SHISA9: variants seen among roughly 807,000 people sequenced by gnomAD.
SHISA9 encodes protein shisa-9.
Under a neutral mutation model 38.0 loss-of-function variants are expected in SHISA9, and 13 were observed. That is an observed-to-expected ratio of 0.34 (90% CI 0.22 to 0.54). The LOEUF (loss-of-function observed/expected upper bound fraction) is 0.54, where lower values mean the gene tolerates loss of function less well. Ranked by LOEUF, SHISA9 falls within the 20% of genes least tolerant of loss-of-function variation. The probability of loss-of-function intolerance (pLI) is 0.91; values close to 1 mark genes in which losing one functional copy is unlikely to be tolerated. For missense variants in SHISA9, 538 were observed against 575.8 expected (o/e 0.93, Z 0.67); for synonymous variants, 275 against 242.0 (o/e 1.14, Z -1.27).
intron 1 of SHISA9, among the ~76,000 whole-genome samples, chr16:12,906,295 G>C (rs62029723): frequency 0.14 from 21,602 of 152,176 alleles, 1,934 homozygotes; most frequent in South Asian, 0.2. Flanking sequence ...GTATGTTGTC[G>C]CACCCCCATT....
At chr16:13,160,399 A>C (rs1199911951) in intron 2 of SHISA9, among the ~76,000 whole-genome samples, 3 of 152,110 alleles carry the variant, frequency 2.0e-5, no homozygotes, top group South Asian at 2.1e-4. Flanking sequence ...TATTCTATTC[A>C]CCCAAGAGGC....
the SHISA9 span, among the ~76,000 whole-genome samples, chr16:13,392,024 G>A: frequency 6.6e-6 from 1 of 152,194 alleles, no homozygotes; most frequent in African/African-American, 2.4e-5. Context: ...GCCAGTGATT[G>A]TGGAGGTGAG....
chr16:12,914,505 A>G (rs2071228720), intron 1 of SHISA9, among the ~76,000 whole-genome samples: 1 of 152,122 alleles, frequency 6.6e-6, no homozygotes, highest in Admixed American at 6.5e-5. Context: ...TGTTGAAACA[A>G]TGAAAGAATG....
intron 2 of SHISA9, among the ~76,000 whole-genome samples, chr16:13,121,038 C>T (rs1596661855): frequency 6.6e-6 from 1 of 151,990 alleles, no homozygotes; most frequent in South Asian, 2.1e-4. Flanking sequence ...GTGTCATAGG[C>T]GATTAAAATA....
the SHISA9 span, among the ~76,000 whole-genome samples, chr16:13,382,001 C>T: frequency 1.3e-5 from 2 of 151,990 alleles, no homozygotes; most frequent in Non-Finnish European, 2.9e-5. Context: ...ATGAATTATA[C>T]TTAAAATGTG....
chr16:13,322,825 A>G, the SHISA9 span, among the ~76,000 whole-genome samples: 2 of 152,156 alleles, frequency 1.3e-5, no homozygotes, highest in Admixed American at 1.3e-4. Flanking sequence ...CTTCTTCTAG[A>G]TCAAACCTGG....
At chr16:13,219,727 T>A (rs1020405632) in intron 4 of SHISA9, among the ~76,000 whole-genome samples, 2 of 152,040 alleles carry the variant, frequency 1.3e-5, no homozygotes, top group African/African-American at 4.8e-5. Context: ...GAGGCCGAGG[T>A]GGGCAGATCA....
At chr16:12,987,052 T>A (rs1295364377) in intron 2 of SHISA9, among the ~76,000 whole-genome samples, 1 of 152,140 alleles carries the variant, frequency 6.6e-6, no homozygotes, top group Non-Finnish European at 1.5e-5. Context: ...ATATTCCCAG[T>A]ATCTGCCGAG....
intron 2 of SHISA9, among the ~76,000 whole-genome samples, chr16:13,179,747 C>T (rs2050761643): frequency 6.6e-6 from 1 of 152,128 alleles, no homozygotes. Context: ...ATCTATGACC[C>T]CATGAGAAAA....
intron 2 of SHISA9, among the ~76,000 whole-genome samples, chr16:13,011,318 C>CT (rs2072670718): frequency 1.1e-4 from 14 of 131,158 alleles, no homozygotes; most frequent in Admixed American, 7.7e-5. Context: ...TATTAGCACT[C>CT]ATTTTTTTTT....
chr16:13,241,636 C>T (rs2051436238), downstream of SHISA9, among the ~76,000 whole-genome samples: 1 of 152,212 alleles, frequency 6.6e-6, no homozygotes, highest in South Asian at 2.1e-4. Flanking sequence ...CTGCCCAAAG[C>T]CAGAGATCTG....
the SHISA9 span, among the ~76,000 whole-genome samples, chr16:13,549,468 A>G: frequency 6.6e-6 from 1 of 152,192 alleles, no homozygotes; most frequent in Non-Finnish European, 1.5e-5. Context: ...ACAAACAAAA[A>G]ATATATGCAT....
chr16:13,293,097 G>A, the SHISA9 span, among the ~76,000 whole-genome samples: 2 of 152,162 alleles, frequency 1.3e-5, no homozygotes, highest in African/African-American at 4.8e-5. Context: ...GAGACAAACA[G>A]ATTCTAAATA....
the SHISA9 span, among the ~76,000 whole-genome samples, chr16:13,542,349 C>T: frequency 6.6e-6 from 1 of 152,198 alleles, no homozygotes; most frequent in Non-Finnish European, 1.5e-5. Context: ...TAAGGACTCA[C>T]CATGCACCAG....
chr16:13,147,385 A>G (rs1157232924), intron 2 of SHISA9, among the ~76,000 whole-genome samples: 1 of 152,050 alleles, frequency 6.6e-6, no homozygotes, highest in Non-Finnish European at 1.5e-5. Context: ...GGAACTAGAA[A>G]CTTTAAGGCT....
the SHISA9 span, among the ~76,000 whole-genome samples, chr16:13,520,554 G>C: frequency 3.0e-5 from 4 of 134,846 alleles, no homozygotes; most frequent in Admixed American, 8.3e-5. Context: ...AGTGAGCTGA[G>C]ATGGCGCCAT....
chr16:13,159,167 T>G (rs1377127198), intron 2 of SHISA9, among the ~76,000 whole-genome samples: 1 of 152,140 alleles, frequency 6.6e-6, no homozygotes, highest in African/African-American at 2.4e-5. Context: ...GGATTCCTCT[T>G]CTGTACAATC....
At chr16:13,260,943 T>A in the SHISA9 span, among the ~76,000 whole-genome samples, 3 of 152,132 alleles carry the variant, frequency 2.0e-5, no homozygotes, top group Admixed American at 1.3e-4. Flanking sequence ...AGGCACTTCT[T>A]ACATGGTGGC....
chr16:13,192,429 G>C (rs1596717708), intron 2 of SHISA9, among the ~76,000 whole-genome samples: 1 of 151,956 alleles, frequency 6.6e-6, no homozygotes, highest in East Asian at 1.9e-4. Context: ...TTTAGTAAGT[G>C]GTATAAGAGC....
Sources: allele counts gnomAD v4.1 joint callset (sites outside exome capture counted in the v4.1 genomes callset), GRCh38; gene constraint gnomAD v4.1.1; transcripts MANE v1.5; gene names NCBI Gene and HGNC (gene_info 2026-07-23, HGNC 2026-07-21).